The following SULT2B1 variants were observed in gnomAD, a reference collection of about 807,000 sequenced individuals.
SULT2B1 encodes sulfotransferase 2B1.
In SULT2B1, 16 loss-of-function variants were observed where a neutral mutation model predicts 33.2. That is an observed-to-expected ratio of 0.48 (90% CI 0.33 to 0.73). The LOEUF is 0.73. SULT2B1 is among the 30% of genes least tolerant of loss of function. The probability of loss-of-function intolerance (pLI) is 0.02; values close to 1 mark genes in which losing one functional copy is unlikely to be tolerated. For synonymous variants in SULT2B1, 186 were observed against 200.5 expected (o/e 0.93, Z 0.61); for missense variants, 500 against 506.0 (o/e 0.99, Z 0.11).
chr19:48,590,461 G>A (rs554027770), intron 3 of SULT2B1, among the ~76,000 whole-genome samples: 1 of 152,038 alleles, frequency 6.6e-6, no homozygotes, highest in African/African-American at 2.4e-5. Flanking sequence ...AATTAGCCAG[G>A]CATGGTGGCA....
intron 3 of SULT2B1, among the ~76,000 whole-genome samples, chr19:48,588,371 G>A (rs1470275868): frequency 6.6e-6 from 1 of 151,340 alleles, no homozygotes; most frequent in African/African-American, 2.4e-5. Context: ...AGTTAGCTGG[G>A]CGTGGTGGCA....
intron 1 of SULT2B1, among the ~76,000 whole-genome samples, chr19:48,571,699 GA>G (rs1555732688): frequency 9.6e-5 from 2 of 20,892 alleles, no homozygotes; most frequent in African/African-American, 6.6e-4. Context: ...TGCAAGCGGA[GA>G]AGATGGTCAA....
At chr19:48,553,775 T>A (rs1335881443) in intron 1 of SULT2B1, among the ~76,000 whole-genome samples, 1 of 152,200 alleles carries the variant, frequency 6.6e-6, no homozygotes, top group East Asian at 1.9e-4. Context: ...CTGGGCCTCC[T>A]GGGCTGAGAG....
At chr19:48,587,118 AAAT>A in intron 2 of SULT2B1, 108 bp from the exon 3 acceptor site, 1 of 841,738 alleles carries the variant, frequency 1.2e-6, no homozygotes, top group Non-Finnish European at 1.8e-6. Context: ...TCTTAAAAAA[AAAT>A]AATAAAAGGT....
rs1186648722 is a variant in SULT2B1 at position 48,562,335 on chromosome 19, C to T, written c.71+10012C>T. 2.6e-5 allele frequency among the ~76,000 whole-genome samples: 4 copies of T among 151,620 alleles called. No individual in the cohort carries two copies. The East Asian group carries it at 7.8e-4, about 30-fold the overall frequency. ...CCCTGGAGGTGGAGGTTGCAGTGAG[C>T]TGAGATGGCCATTGCACTCCAGCCT... On this transcript the variant is annotated intron_variant, in intron 1 of 6. Transcript: ENST00000201586.
intron 5 of SULT2B1, among the ~76,000 whole-genome samples, chr19:48,594,334 C>T (rs185829303): frequency 6.6e-6 from 1 of 152,170 alleles, no homozygotes; most frequent in African/African-American, 2.4e-5. Flanking sequence ...CCTATTTTAT[C>T]GACGAGGAAA....
At chr19:48,598,215 G>A (rs936267623) in intron 6 of SULT2B1, among the ~76,000 whole-genome samples, 5 of 152,302 alleles carry the variant, frequency 3.3e-5, no homozygotes, top group Middle Eastern at 3.4e-3. Flanking sequence ...CTTGCCAAAA[G>A]GCAAACTACG....
intron 1 of SULT2B1, among the ~76,000 whole-genome samples, chr19:48,567,520 C>G (rs1273513298): frequency 6.6e-6 from 1 of 152,012 alleles, no homozygotes; most frequent in African/African-American, 2.4e-5. Context: ...TAAGATCATG[C>G]CTGGGCGACA....
intron 1 of SULT2B1, among the ~76,000 whole-genome samples, chr19:48,563,880 G>A (rs960459603): frequency 1.1e-4 from 17 of 151,172 alleles, no homozygotes; most frequent in African/African-American, 2.9e-4. Context: ...CAGGAGAATC[G>A]TTTGAACATG....
intron 3 of SULT2B1, among the ~76,000 whole-genome samples, chr19:48,589,195 G>C (rs1412551348): frequency 3.9e-5 from 6 of 152,188 alleles, no homozygotes; most frequent in African/African-American, 1.4e-4. Flanking sequence ...GTATTTTGAA[G>C]GTGAGACCGG....
chr19:48,594,892 G>A (rs1052108030), intron 5 of SULT2B1, among the ~76,000 whole-genome samples: 5 of 63,844 alleles, frequency 7.8e-5, no homozygotes, highest in African/African-American at 1.2e-4. Flanking sequence ...GGTGGTGCAT[G>A]CCTATAATCC....
chr19:48,589,570 A>T (rs1325873772), intron 3 of SULT2B1, among the ~76,000 whole-genome samples: 3 of 152,134 alleles, frequency 2.0e-5, no homozygotes, highest in African/African-American at 4.8e-5. Flanking sequence ...AGTCCCCAAG[A>T]CCACCCTCAG....
At chr19:48,581,029 C>CTT (rs57093444) in intron 2 of SULT2B1, among the ~76,000 whole-genome samples, 10,668 of 64,760 alleles carry the variant, frequency 0.16, 1,577 homozygotes, top group East Asian at 0.38. Flanking sequence ...ATATATATTC[C>CTT]TTTTTTTTTT....
intron 2 of SULT2B1, among the ~76,000 whole-genome samples, chr19:48,582,614 G>A (rs1014183537): frequency 1.1e-4 from 16 of 151,638 alleles, no homozygotes; most frequent in African/African-American, 2.4e-4. Context: ...TTGGGAGGTC[G>A]AGGCAGGCGG....
intron 2 of SULT2B1, 106 bp downstream of exon 2, chr19:48,576,189 C>T: frequency 3.7e-6 from 4 of 1,075,718 alleles, no homozygotes; most frequent in East Asian, 2.4e-5. Context: ...AAAGTGGGGC[C>T]GGGTCTGTTC....
At chr19:48,559,351 T>G (rs1017401524) in intron 1 of SULT2B1, among the ~76,000 whole-genome samples, 1 of 59,896 alleles carries the variant, frequency 1.7e-5, no homozygotes, top group African/African-American at 1.1e-4. Flanking sequence ...GTTTTGTTTT[T>G]TGTTTTGTTT....
intron 2 of SULT2B1, among the ~76,000 whole-genome samples, chr19:48,577,350 G>GTTTTTTTT (rs1568408872): frequency 2.3e-4 from 10 of 42,702 alleles, no homozygotes; most frequent in Non-Finnish European, 4.3e-4. Flanking sequence ...CCACTGAGCC[G>GTTTTTTTT]TCTTTTTTTT....
chr19:48,581,039 T>TC (rs1323575473), intron 2 of SULT2B1, among the ~76,000 whole-genome samples: 2 of 136,536 alleles, frequency 1.5e-5, no homozygotes, highest in East Asian at 2.1e-4. Context: ...CTTTTTTTTT[T>TC]TTTTTTTTTT....
intron 6 of SULT2B1, among the ~76,000 whole-genome samples, chr19:48,597,696 T>A (rs1601116578): frequency 7.7e-6 from 1 of 130,530 alleles, no homozygotes; most frequent in African/African-American, 3.0e-5. Context: ...CAGGCTGGAG[T>A]GCAATGGCGC....
Sources: allele counts gnomAD v4.1 joint callset (sites outside exome capture counted in the v4.1 genomes callset), GRCh38; gene constraint gnomAD v4.1.1; transcripts MANE v1.5; gene names NCBI Gene and HGNC (gene_info 2026-07-23, HGNC 2026-07-21).